Variants in CDH8 observed in about 807,000 individuals in gnomAD.
CDH8 encodes the protein cadherin 8.
In CDH8, 17 loss-of-function variants were observed where a neutral mutation model predicts 68.1. That is an observed-to-expected ratio of 0.25 (90% confidence interval 0.17 to 0.37). The LOEUF is 0.37. CDH8 is among the 10% of genes least tolerant of loss of function. CDH8 has a pLI of 1.00. For missense variants in CDH8, 763 were observed against 999.3 expected (o/e 0.76, Z 3.19); for synonymous variants, 372 against 365.1 (o/e 1.02, Z -0.21).
chr16:61,658,427 GGTT>G (rs1285761542), intron 10 of CDH8, among the ~76,000 whole-genome samples: 8 of 151,606 alleles, frequency 5.3e-5, no homozygotes, highest in East Asian at 1.9e-4. Flanking sequence ...ATTATTTTTT[GGTT>G]GTTGTATTAA....
intron 2 of CDH8, among the ~76,000 whole-genome samples, chr16:62,007,323 G>A (rs16964168): frequency 0.043 from 6,477 of 152,268 alleles, 247 homozygotes; most frequent in Admixed American, 0.1. Context: ...TAAGTAGAAA[G>A]CATGTGACAA....
At chr16:61,687,626 C>A (rs1174586747) in intron 10 of CDH8, among the ~76,000 whole-genome samples, 1 of 151,978 alleles carries the variant, frequency 6.6e-6, no homozygotes, top group Non-Finnish European at 1.5e-5. Flanking sequence ...AAGTAATTAT[C>A]CTAATCTGCT....
At chr16:61,944,475 GT>G (rs1964771091) in intron 2 of CDH8, among the ~76,000 whole-genome samples, 1 of 152,162 alleles carries the variant, frequency 6.6e-6, no homozygotes, top group Admixed American at 6.5e-5. Flanking sequence ...AATATTGCCT[GT>G]ATTGATTATT....
At chr16:61,918,831 G>T (rs1384185602) in intron 2 of CDH8, 1 of 151,574 alleles carries the variant, frequency 6.6e-6, no homozygotes, top group Middle Eastern at 3.4e-3. Flanking sequence ...AAGGAGGCCT[G>T]CCTGCCTCTG....
chr16:61,796,429 A>G (rs185097534), intron 7 of CDH8, among the ~76,000 whole-genome samples: 24 of 152,056 alleles, frequency 1.6e-4, no homozygotes, highest in African/African-American at 4.8e-4. Context: ...TCTTCCTGCC[A>G]CAGTAAGAAG....
chr16:61,840,871 A>G (rs1489196126), intron 4 of CDH8, among the ~76,000 whole-genome samples: 1 of 152,148 alleles, frequency 6.6e-6, no homozygotes, highest in East Asian at 1.9e-4. Flanking sequence ...CATGGCACAC[A>G]TTTACCTATG....
chr16:61,762,359 GTC>G (rs1960492466), intron 8 of CDH8, among the ~76,000 whole-genome samples: 1 of 152,160 alleles, frequency 6.6e-6, no homozygotes, highest in Non-Finnish European at 1.5e-5. Context: ...GATAAATAGA[GTC>G]TCTCTGTATT....
At chr16:61,693,048 A>C (rs1964261867) in intron 10 of CDH8, 1 of 151,942 alleles carries the variant, frequency 6.6e-6, no homozygotes. Context: ...AGATGTTGAA[A>C]GTGTTAACTG....
intron 8 of CDH8, among the ~76,000 whole-genome samples, chr16:61,759,388 G>A (rs950148782): frequency 1.3e-5 from 2 of 151,720 alleles, no homozygotes; most frequent in African/African-American, 2.4e-5. Context: ...AAGAGGAAGA[G>A]GAAGAGAAGG....
intron 10 of CDH8, among the ~76,000 whole-genome samples, chr16:61,707,406 C>T (rs1385088941): frequency 3.3e-5 from 5 of 152,190 alleles, no homozygotes; most frequent in Non-Finnish European, 5.9e-5. Flanking sequence ...AGATCGTAAT[C>T]GGAAGAGCTA....
intron 8 of CDH8, among the ~76,000 whole-genome samples, chr16:61,732,837 C>T (rs1014990981): frequency 8.6e-5 from 13 of 151,746 alleles, no homozygotes; most frequent in African/African-American, 3.1e-4. Context: ...GAGCTTGTAA[C>T]ATATCAAAAT....
chr16:61,656,402 T>C (rs775218204), intron 10 of CDH8, among the ~76,000 whole-genome samples: 16 of 152,242 alleles, frequency 1.1e-4, no homozygotes, highest in Non-Finnish European at 1.9e-4. Context: ...GCAAATTTGA[T>C]TGAATAAAAT....
intron 10 of CDH8, among the ~76,000 whole-genome samples, chr16:61,674,129 C>CAAGAAAGA (rs1485763740): frequency 6.6e-6 from 1 of 152,086 alleles, no homozygotes; most frequent in Non-Finnish European, 1.5e-5. Context: ...AAGAAAGATA[C>CAAGAAAGA]ACCATAAAAG....
At chr16:61,864,865 G>A (rs982016065) in intron 3 of CDH8, among the ~76,000 whole-genome samples, 9 of 152,152 alleles carry the variant, frequency 5.9e-5, no homozygotes, top group African/African-American at 1.9e-4. Flanking sequence ...GCTGATAACA[G>A]AAGATCAAAC....
intron 2 of CDH8, among the ~76,000 whole-genome samples, chr16:61,936,515 A>G (rs1201880614): frequency 6.6e-6 from 1 of 152,174 alleles, no homozygotes; most frequent in Non-Finnish European, 1.5e-5. Flanking sequence ...CAAGGAAAGG[A>G]TATATGTAGC....
chr16:61,817,584 A>T lies in CDH8; in HGVS notation c.1172T>A (p.Phe391Tyr). The change falls in exon 7 of 12, where the codon TTC becomes TAC. Residue 391 changes from phenylalanine (F) to tyrosine (Y), a missense_variant. Transcript: ENST00000577390. Reference sequence around the variant, plus strand: ...TTCAAGTAGGTAAGTCGGTGAAGAGAAGACCGGAGGCTCATCAGCATCTTC... The same window carrying T: ...TTCAAGTAGGTAAGTCGGTGAAGAGTAGACCGGAGGCTCATCAGCATCTTC... ...VVEDADEPPV[F>Y]SSPTYLLEVH... is the part of the protein sequence containing the mutation. 1 of 1,613,984 alleles carries T rather than the reference A, an allele frequency of 6.2e-7. No homozygotes were observed. Among genetic ancestry groups the T allele is most frequent in the East Asian group, 2.2e-5 (1 of 44,832 alleles).
intron 10 of CDH8, among the ~76,000 whole-genome samples, chr16:61,695,943 AGCT>A (rs2142840291): frequency 6.6e-6 from 1 of 152,308 alleles, no homozygotes; most frequent in South Asian, 2.1e-4. Context: ...ATGGATTGAT[AGCT>A]GCTATCAAAT....
intron 2 of CDH8, among the ~76,000 whole-genome samples, chr16:61,947,661 A>AT (rs1224433009): frequency 6.6e-6 from 1 of 152,110 alleles, no homozygotes; most frequent in Non-Finnish European, 1.5e-5. Context: ...TATGAATGTG[A>AT]TTTTTTTCTT....
chr16:61,679,019 A>C (rs960003625), intron 10 of CDH8, among the ~76,000 whole-genome samples: 8 of 152,080 alleles, frequency 5.3e-5, no homozygotes, highest in African/African-American at 1.9e-4. Flanking sequence ...CTAAGGAAAC[A>C]GTTGGACTGT....
Sources: gnomAD v4.1 joint callset for allele counts (sites outside exome capture counted in the v4.1 genomes callset) on GRCh38, gnomAD v4.1.1 for gene constraint, MANE v1.5 for transcripts, NCBI Gene and HGNC (gene_info 2026-07-23, HGNC 2026-07-21) for gene names.